FANCI: variants seen among roughly 807,000 people sequenced by gnomAD.
The protein encoded by FANCI is Fanconi anemia group I protein.
In FANCI, 156 loss-of-function variants were observed where a neutral mutation model predicts 176.1. That is an observed-to-expected ratio of 0.89 (90% CI 0.78 to 1.01). The LOEUF is 1.01. Ranked by LOEUF, FANCI falls within the 50% of genes least tolerant of loss-of-function variation. The pLI, the probability that FANCI is intolerant of heterozygous loss-of-function variation, is 0.00. For synonymous variants in FANCI, 613 were observed against 541.7 expected (o/e 1.13, Z -1.83); for missense variants, 1,678 against 1,534.1 (o/e 1.09, Z -1.57).
At chr15:89,288,121 A>G (rs1051372004) in intron 18 of FANCI, among the ~76,000 whole-genome samples, 3 of 152,228 alleles carry the variant, frequency 2.0e-5, no homozygotes, top group African/African-American at 4.8e-5. Flanking sequence ...GCAACTTGCA[A>G]TAAAATTAGG....
intron 24 of FANCI, among the ~76,000 whole-genome samples, chr15:89,296,690 G>A (rs1163554282): frequency 3.9e-5 from 6 of 152,090 alleles, no homozygotes; most frequent in Admixed American, 2.0e-4. Flanking sequence ...ATCGTGGCCC[G>A]TTCTCAATGA....
chr15:89,264,670 T>C, intron 9 of FANCI, 63 bp downstream of exon 9: 1 of 1,476,226 alleles, frequency 6.8e-7, no homozygotes, highest in Non-Finnish European at 9.4e-7. Context: ...TTGTGTATTT[T>C]AGCTATTTCA....
chr15:89,303,861 T>C lies in FANCI; in HGVS notation c.3007-3T>C. 6.2e-7 allele frequency: 1 copy of C among 1,613,448 alleles called. No homozygotes were observed. The highest frequency in any genetic ancestry group is 8.5e-7 in the Non-Finnish European group (1 of 1,179,358). ...TTTAATATCTGAATGATCTCTAATT[T>C]AGTTTGTGCAGATGTTATCCTGGAC... On this transcript the variant is annotated splice_region_variant and splice_polypyrimidine_tract_variant and intron_variant, in intron 27 of 37. Transcript: ENST00000310775.
At chr15:89,308,043 G>A in intron 34 of FANCI, 1 of 1,171,208 alleles carries the variant, frequency 8.5e-7, no homozygotes, top group South Asian at 1.9e-5. Context: ...GTTGTGATGA[G>A]ACGGCAGTGC....
At chr15:89,313,033 GA>G in intron 35 of FANCI, 61 bp downstream of exon 35, 2 of 1,480,466 alleles carry the variant, frequency 1.4e-6, no homozygotes, top group Non-Finnish European at 1.9e-6. Context: ...ACATGAAGCG[GA>G]AGAAGCCAGT....
At position 89,315,819 on chromosome 15, in the gene FANCI, C is replaced by G. The variant is rs184650827; in HGVS notation, c.3924+430C>G. On this transcript the variant is annotated intron_variant, in intron 37 of 37. Transcript: ENST00000310775. The stretch of plus-strand genomic sequence containing the variant: ...TGTCCTTTTCCCTTGTGGTTTGTTC[C>G]TCTCCCTTTACTCTTAGCAAGTGAC... Among the ~76,000 whole-genome samples the G allele has an allele frequency of 1.6e-3, 238 of 152,260 alleles. 1 individual carries two copies. The highest frequency in any genetic ancestry group is 5.6e-3 in the African/African-American group (234 of 41,534).
chr15:89,306,213 C>G lies in FANCI; in HGVS notation c.3537+19C>G, dbSNP rs2054711237. On this transcript the variant is annotated intron_variant, in intron 32 of 37. Transcript: ENST00000310775. ...CAGATATGTGAGTATTTGAGACAAG[C>G]AGATTCGCCCCACCATTCTACCCCA... is the stretch of plus-strand genomic sequence containing the variant. 4 of 1,613,056 alleles carry G rather than the reference C, an allele frequency of 2.5e-6. No individual in the cohort carries two copies. The highest frequency in any genetic ancestry group is 1.1e-5 in the South Asian group (1 of 91,020).
chr15:89,274,231 T>C lies in FANCI; in HGVS notation c.1039T>C (p.Ser347Pro), dbSNP rs1289791231. The change falls in exon 12 of 38, where the codon TCA becomes CCA. Residue 347 changes from serine to proline, a missense_variant. Physicochemically the swap from Ser to Pro is moderately conservative, Grantham distance 74. This residue lies in a region of FANCI where 469 missense variants were observed against 436.9 expected (regional missense o/e 1.07). Coordinates refer to ENST00000310775, the MANE Select transcript of FANCI (RefSeq NM_001113378.2). Reference protein sequence around the residue: ...SFKDLQLLQGSKFLQNLVPHR... With the variant: ...SFKDLQLLQGPKFLQNLVPHR... The stretch of plus-strand genomic sequence containing the variant: ...TAAGGATCTTCAACTCCTCCAAGGC[T>C]CAAAATTTCTTCAGAATCTAGTTCC... The C allele has an allele frequency of 1.2e-6, 2 of 1,610,480 alleles. No homozygotes were observed. The highest frequency in any genetic ancestry group is 3.4e-5 in the Admixed American group (2 of 59,662).
At chr15:89,317,186 G>GCCTTCATTTCT (rs2055299700), downstream of FANCI, 1 of 630,022 alleles carries the variant, frequency 1.6e-6, no homozygotes, top group South Asian at 1.9e-5. Context: ...AAGCTCTGCT[G>GCCTTCATTTCT]CCTTCATTTC....
intron 23 of FANCI, 96 bp from the exon 24 acceptor site, chr15:89,294,819 C>T: frequency 2.3e-6 from 3 of 1,328,870 alleles, no homozygotes; most frequent in South Asian, 1.4e-5. Context: ...CTGTTGGGTG[C>T]TGCTGTTCTG....
At chr15:89,308,973 A>G (rs974496149) in intron 34 of FANCI, among the ~76,000 whole-genome samples, 1 of 151,962 alleles carries the variant, frequency 6.6e-6, no homozygotes, top group African/African-American at 2.4e-5. Context: ...AGAATCAGCC[A>G]TCAAGTGGGC....
intron 1 of FANCI, among the ~76,000 whole-genome samples, chr15:89,246,991 GATCTCC>G (rs1314016636): frequency 2.0e-4 from 30 of 150,738 alleles, no homozygotes; most frequent in African/African-American, 6.8e-4. Context: ...AAATGGTCTC[GATCTCC>G]TGACTTCGTG....
At chr15:89,317,235 C>G (rs1305515180), downstream of FANCI, 2 of 745,006 alleles carry the variant, frequency 2.7e-6, no homozygotes, top group Non-Finnish European at 4.7e-6. Flanking sequence ...CACAGGGCAC[C>G]TTATAAACTG....
At chr15:89,305,435 G>T (rs772209965) in intron 30 of FANCI, 26 bp downstream of exon 30, 4 of 1,613,062 alleles carry the variant, frequency 2.5e-6, no homozygotes, top group Non-Finnish European at 3.4e-6. Context: ...GAGCCATGGG[G>T]AATAGCTTTG....
chr15:89,262,159 G>A lies in FANCI; in HGVS notation c.503+281G>A, dbSNP rs192949500. ...ACATAATTAAATGTTAATTTAGTGTGTTTAATGCTCCAATCTAAGCATTAT... is the reference window on the plus strand; with the variant it reads ...ACATAATTAAATGTTAATTTAGTGTATTTAATGCTCCAATCTAAGCATTAT... On this transcript the variant is annotated intron_variant, in intron 6 of 37. Coordinates refer to ENST00000310775, the MANE Select transcript of FANCI (RefSeq NM_001113378.2). 4.6e-5 allele frequency among the ~76,000 whole-genome samples: 7 copies of A among 152,194 alleles called. No homozygotes were observed. The East Asian group carries it at 1.3e-3, about 29-fold the overall frequency.
chr15:89,280,483 C>G (rs766818428), intron 14 of FANCI, among the ~76,000 whole-genome samples: 1 of 152,198 alleles, frequency 6.6e-6, no homozygotes, highest in Non-Finnish European at 1.5e-5. Context: ...CTTTCTCATA[C>G]CTTTACTCAT....
At chr15:89,312,473 C>A (rs956725354) in intron 34 of FANCI, among the ~76,000 whole-genome samples, 1 of 152,152 alleles carries the variant, frequency 6.6e-6, no homozygotes, top group Non-Finnish European at 1.5e-5. Flanking sequence ...CACAGATAGT[C>A]CTGTTTACTC....
At chr15:89,308,360 C>G (rs8032440) in intron 34 of FANCI, among the ~76,000 whole-genome samples, 145,940 of 152,254 alleles carry the variant, frequency 0.96, 70,031 homozygotes, top group East Asian at 1. Flanking sequence ...AATCACCCCT[C>G]GTTGGAAAGA....
Position 89,268,544 on chromosome 15 carries a change from G to T in FANCI, c.882+19G>T, listed in dbSNP as rs1453534468. The stretch of plus-strand genomic sequence containing the variant: ...CTTAAAGGTAGCATCAAACTTGTAA[G>T]GTGATCTGGGTCTCTTTTGAATGAA... On this transcript the variant is annotated intron_variant, in intron 10 of 37. Transcript: ENST00000310775. 1 of 1,613,838 alleles carries T rather than the reference G, an allele frequency of 6.2e-7. No homozygotes were observed. The highest frequency in any genetic ancestry group is 1.7e-5 in the Admixed American group (1 of 60,006).
Sources: allele counts gnomAD v4.1 joint callset (sites outside exome capture counted in the v4.1 genomes callset), GRCh38; gene constraint gnomAD v4.1.1; regional missense constraint gnomAD v4.1.1; transcripts MANE v1.5; gene names NCBI Gene and HGNC (gene_info 2026-07-23, HGNC 2026-07-21).